Variants in CHD2 observed in about 807,000 individuals in gnomAD.
CHD2 encodes ATP-dependent chromatin remodeler CHD2.
A neutral mutation model predicts 243.9 loss-of-function variants in CHD2; 28 were observed. The ratio of observed to expected loss-of-function variants is 0.11; its 90% CI spans 0.09 to 0.16. The LOEUF is 0.16. Ranked by LOEUF, CHD2 falls within the 10% of genes least tolerant of loss-of-function variation. The pLI, the probability that CHD2 is intolerant of heterozygous loss-of-function variation, is 1.00. For synonymous variants in CHD2, 775 were observed against 779.0 expected (o/e 0.99, Z 0.09); for missense variants, 1,386 against 2,209.8 (o/e 0.63, Z 7.47).
At chr15:92,931,855 C>G (rs960383995) in intron 5 of CHD2, among the ~76,000 whole-genome samples, 1 of 149,564 alleles carries the variant, frequency 6.7e-6, no homozygotes, top group Non-Finnish European at 1.5e-5. Context: ...TAAAACATTG[C>G]TGACGTACTT....
At chr15:92,991,901 AT>A (rs1407157369) in intron 27 of CHD2, 2 of 161,398 alleles carry the variant, frequency 1.2e-5, no homozygotes, top group African/African-American at 4.8e-5. Context: ...GCTCTTTATG[AT>A]TTTATAATCT....
intron 2 of CHD2, among the ~76,000 whole-genome samples, chr15:92,922,721 G>T (rs2052981521): frequency 6.6e-6 from 1 of 152,184 alleles, no homozygotes; most frequent in South Asian, 2.1e-4. Flanking sequence ...AGCAAAGATG[G>T]GTAGTTTTTA....
chr15:92,919,462 G>A (rs1003512144), intron 2 of CHD2, among the ~76,000 whole-genome samples: 1 of 151,742 alleles, frequency 6.6e-6, no homozygotes, highest in African/African-American at 2.4e-5. Context: ...GCACGATTGC[G>A]GCTCACTGCA....
chr15:92,946,417 A>G (rs1432079964), intron 12 of CHD2: 1 of 402,500 alleles, frequency 2.5e-6, no homozygotes. Flanking sequence ...TAATCTTGCA[A>G]TTTACATAAT....
At chr15:92,976,095 T>G (rs1369111644) in intron 20 of CHD2, among the ~76,000 whole-genome samples, 2 of 152,216 alleles carry the variant, frequency 1.3e-5, no homozygotes, top group African/African-American at 4.8e-5. Context: ...TCTGCTATTT[T>G]TATCATGTAG....
intron 23 of CHD2, 90 bp from the exon 24 acceptor site, chr15:92,981,275 C>A: frequency 2.3e-6 from 2 of 854,820 alleles, no homozygotes; most frequent in Non-Finnish European, 3.8e-6. Context: ...TTGCACCAAA[C>A]ATTTTTAGTA....
rs7172849 is a variant in CHD2 at position 93,012,695 on chromosome 15, C to A, written c.4692+251C>A. 8.2e-3 allele frequency among the ~76,000 whole-genome samples: 1,252 copies of A among 152,276 alleles called. 16 individuals carry two copies. The highest frequency in any genetic ancestry group is 0.029 in the African/African-American group (1,199 of 41,566). On this transcript the variant is annotated intron_variant, in intron 36 of 38. Coordinates refer to ENST00000394196, the MANE Select transcript of CHD2 (RefSeq NM_001271.4). ...TCATTTGTTCACCAGGTTTTTTCTTCCATTTGCATTTTTCTTCTGTACATG... is the reference window on the plus strand; with the variant it reads ...TCATTTGTTCACCAGGTTTTTTCTTACATTTGCATTTTTCTTCTGTACATG...
chr15:92,928,494 C>T (rs893007933), intron 4 of CHD2, among the ~76,000 whole-genome samples: 1 of 113,372 alleles, frequency 8.8e-6, no homozygotes, highest in Admixed American at 9.7e-5. Flanking sequence ...AGTGAACATA[C>T]TCTTAAATGA....
chr15:93,013,736 A>G lies in CHD2; in HGVS notation c.4693-960A>G, dbSNP rs149791109. ...GATCACTTGAGGCCGAGAGTTCGAG[A>G]CCAGCCTGGCCAACGTGATGAAGCC... is the stretch of plus-strand genomic sequence containing the variant. On this transcript the variant is annotated intron_variant, in intron 36 of 38. Coordinates refer to ENST00000394196, the MANE Select transcript of CHD2 (RefSeq NM_001271.4). 7.8e-3 allele frequency among the ~76,000 whole-genome samples: 1,188 copies of G among 152,056 alleles called. 20 individuals carry two copies. The highest frequency in any genetic ancestry group is 0.027 in the African/African-American group (1,117 of 41,462).
In CHD2 at chr15:92,929,044, T is replaced by C. The variant is rs2053117359; in HGVS notation, c.396T>C (p.Ser132=). ...ACACACTGAAGGCAAGTAGCGGGTC[T>C]GAGAGTGGGAGCCCAAAAAGAAGAG... ...FNIKEEASSG[S]ESGSPKRRGQ... Residue 132 remains serine, a synonymous_variant, in exon 5 of 39, where the codon TCT becomes TCC. Transcript: ENST00000394196. 6.2e-7 allele frequency: 1 copy of C among 1,611,866 alleles called. No homozygotes were observed. Among genetic ancestry groups the C allele is most frequent in the Non-Finnish European group, 8.5e-7 (1 of 1,178,764 alleles).
At chr15:92,945,894 T>C (rs781110283) in intron 11 of CHD2, 29 bp downstream of exon 11, 2 of 1,549,172 alleles carry the variant, frequency 1.3e-6, no homozygotes, top group Non-Finnish European at 1.8e-6. Context: ...TTATAAATGT[T>C]CTTCAACATT....
At chr15:93,005,181 G>A (rs1352679008) in intron 34 of CHD2, among the ~76,000 whole-genome samples, 1 of 152,202 alleles carries the variant, frequency 6.6e-6, no homozygotes, top group Non-Finnish European at 1.5e-5. Flanking sequence ...GTGCCCCTGT[G>A]ACAGGGCTCT....
At chr15:92,945,326 G>A (rs2053445812) in intron 10 of CHD2, 1 of 152,204 alleles carries the variant, frequency 6.6e-6, no homozygotes, top group Non-Finnish European at 1.5e-5. Flanking sequence ...TTACAAAGGG[G>A]AACAGAGAAG....
Position 92,972,259 on chromosome 15 carries a change from C to T in CHD2, c.2353-6C>T. On this transcript the variant is annotated splice_polypyrimidine_tract_variant and splice_region_variant and intron_variant, in intron 18 of 38. Transcript: ENST00000394196. ...ATAATTATTGGAATGTCTTTTAAAT[C>T]TTCAGTCCCTCATAAGGAGCAGTGG... The T allele has an allele frequency of 1.9e-6, 3 of 1,605,334 alleles. No homozygotes were observed. Among genetic ancestry groups the T allele is most frequent in the African/African-American group, 1.3e-5 (1 of 74,288 alleles).
At chr15:92,903,497 T>A (rs1045288622) in intron 2 of CHD2, among the ~76,000 whole-genome samples, 2 of 152,238 alleles carry the variant, frequency 1.3e-5, no homozygotes, top group African/African-American at 4.8e-5. Context: ...AGTGGTTATA[T>A]AAGTTTGTAT....
At chr15:93,014,964 C>T (rs997687494) in intron 37 of CHD2, 55 bp downstream of exon 37, 2 of 1,425,916 alleles carry the variant, frequency 1.4e-6, no homozygotes, top group African/African-American at 1.4e-5. Context: ...AAAATTCACA[C>T]AGCCGTTTCA....
chr15:92,998,945 G>A lies in CHD2; in HGVS notation c.4008+324G>A, dbSNP rs927100978. Among the ~76,000 whole-genome samples the A allele has an allele frequency of 6.6e-5, 10 of 151,860 alleles. No individual in the cohort carries two copies. The highest frequency in any genetic ancestry group is 3.9e-4 in the East Asian group (2 of 5,184). The stretch of plus-strand genomic sequence containing the variant: ...AAAAATACAAAAAAATTAGCCGGGC[G>A]TGGTGGCACACGCCTGTAATCCCAG... On this transcript the variant is annotated intron_variant, in intron 31 of 38. Coordinates refer to ENST00000394196, the MANE Select transcript of CHD2 (RefSeq NM_001271.4). The surrounding 1 kb of genome is among the most constrained non-coding windows in gnomAD (Gnocchi z 5.1).
rs565026482 is a variant in CHD2, at chr15:92,948,692, G to A, written c.1378-260G>A. 6.6e-5 allele frequency among the ~76,000 whole-genome samples: 10 copies of A among 152,218 alleles called. 1 individual carries two copies. Among genetic ancestry groups the A allele is most frequent in the East Asian group, 5.8e-4 (3 of 5,174 alleles). ...ACTAAAAATACAAAAATAGCCAGGCGTGGGTGGTGGCGGGCGCCTGTATGT... is the reference window on the plus strand; with the variant it reads ...ACTAAAAATACAAAAATAGCCAGGCATGGGTGGTGGCGGGCGCCTGTATGT... On this transcript the variant is annotated intron_variant, in intron 12 of 38. Coordinates refer to ENST00000394196, the MANE Select transcript of CHD2 (RefSeq NM_001271.4).
intron 2 of CHD2, 35 bp downstream of exon 2, chr15:92,901,334 T>C (rs1596359928): frequency 1.5e-6 from 2 of 1,357,832 alleles, no homozygotes; most frequent in East Asian, 2.4e-5. Flanking sequence ...TTTTGTCTTT[T>C]TTTTTGGGGG....
Sources: gnomAD v4.1 joint callset for allele counts (sites outside exome capture counted in the v4.1 genomes callset) on GRCh38, gnomAD v4.1.1 for gene constraint, Gnocchi (gnomAD v3.1) non-coding constraint, MANE v1.5 for transcripts, NCBI Gene and HGNC (gene_info 2026-07-23, HGNC 2026-07-21) for gene names.